CCDC117: variants seen among roughly 807,000 people sequenced by gnomAD.
CCDC117 encodes the protein coiled-coil domain containing 117, also known as coiled-coil domain-containing protein 117.
In CCDC117, 1 loss-of-function variant was observed where a neutral mutation model predicts 23.5. The ratio of observed to expected loss-of-function variants is 0.04; its 90% confidence interval spans 0.02 to 0.20. CCDC117 has a LOEUF of 0.20. CCDC117 is among the 10% of genes least tolerant of loss of function. The pLI, the probability that CCDC117 is intolerant of heterozygous loss-of-function variation, is 1.00. For synonymous variants in CCDC117, 132 were observed against 124.8 expected (o/e 1.06, Z -0.39); for missense variants, 383 against 348.2 (o/e 1.10, Z -0.80).
rs147524215 is a variant in CCDC117 at position 28,788,973 on chromosome 22, GTTTTTTT to G, written c.*2657_*2663del. The G allele has an allele frequency of 4.1e-4, 56 of 135,062 alleles. 1 individual carries two copies. Among genetic ancestry groups the G allele is most frequent in the Admixed American group, 3.0e-3 (40 of 13,384 alleles). 8.4% of individuals were successfully genotyped at this position (135,062 alleles called of 1,614,324 possible). On this transcript the variant is annotated 3_prime_UTR_variant, in exon 5 of 5. Transcript: ENST00000249064. ...GTGCGTTGTGGATTTTGTTTTTTGGGTTTTTTTTTTTTTTTTGTAATTATATGAAGAA... is the reference window on the plus strand; with the variant it reads ...GTGCGTTGTGGATTTTGTTTTTTGGGTTTTTTTTTGTAATTATATGAAGAA...
intron 3 of CCDC117, 60 bp from the exon 4 acceptor site, chr22:28,783,448 A>G: frequency 6.6e-7 from 1 of 1,525,830 alleles, no homozygotes; most frequent in East Asian, 2.3e-5. Flanking sequence ...TCCAAATACT[A>G]GAATATATAA....
chr22:28,772,795 G>A lies in CCDC117; in HGVS notation c.-55G>A. On this transcript the variant is annotated 5_prime_UTR_variant, in exon 1 of 5. Coordinates refer to ENST00000249064, the MANE Select transcript of CCDC117 (RefSeq NM_173510.4). ...CAGTAGCTGTGGCTGCGGCTGCCGG[G>A]CCTGGGGACGCGGGCGGCCGAGGCC... The A allele has an allele frequency of 8.3e-7, 1 of 1,210,162 alleles. No individual in the cohort carries two copies. Among genetic ancestry groups the A allele is most frequent in the Non-Finnish European group, 1.0e-6 (1 of 972,088 alleles). 75.0% of individuals were successfully genotyped at this position (1,210,162 alleles called of 1,614,324 possible). A position where few individuals can be genotyped will look rare whatever the true frequency, so the allele number is the denominator to read the frequency against.
In CCDC117 at chr22:28,787,049, A is replaced by C. The variant is rs2031533811; in HGVS notation, c.*723A>C. ...AATGTTTACAAATTAATTGACTTTG[A>C]TAGTTAAAAGATTATGAGGTAACCC... On this transcript the variant is annotated 3_prime_UTR_variant, in exon 5 of 5. Transcript: ENST00000249064. 1 of 152,582 alleles carries C rather than the reference A, an allele frequency of 6.6e-6. No individual in the cohort carries two copies. Among genetic ancestry groups the C allele is most frequent in the Non-Finnish European group, 1.5e-5 (1 of 68,018 alleles). The allele number at this position is 152,582 out of a possible 1,614,324, so 9.5% of individuals were successfully genotyped here. A position where few individuals can be genotyped will look rare whatever the true frequency, so the allele number is the denominator to read the frequency against.
intron 2 of CCDC117, among the ~76,000 whole-genome samples, chr22:28,780,600 C>T (rs761803874): frequency 3.9e-5 from 6 of 152,172 alleles, no homozygotes; most frequent in Non-Finnish European, 5.9e-5. Context: ...GCTGGTATTA[C>T]AGGTGTGAGC....
In CCDC117 at chr22:28,781,593, C is replaced by T. The variant is rs1233026778; in HGVS notation, c.464+421C>T. 1.5e-5 allele frequency among the ~76,000 whole-genome samples: 2 copies of T among 133,846 alleles called. 1 individual carries two copies. Among genetic ancestry groups the T allele is most frequent in the African/African-American group, 6.3e-5 (2 of 31,588 alleles). 87.8% of individuals were successfully genotyped at this position (133,846 alleles called of 152,430 possible). A position where few individuals can be genotyped will look rare whatever the true frequency, so the allele number is the denominator to read the frequency against. On this transcript the variant is annotated intron_variant, in intron 3 of 4. Transcript: ENST00000249064. Reference sequence around the variant, plus strand: ...GTCTCGATCTCTTGACCTCGTGATCCGCCCGCCTCGGCCTCCCAAAGTGCT... The same window carrying T: ...GTCTCGATCTCTTGACCTCGTGATCTGCCCGCCTCGGCCTCCCAAAGTGCT...
At position 28,786,275 on chromosome 22, in the gene CCDC117, T is replaced by C. The variant is rs1299514818; in HGVS notation, c.789T>C (p.Leu263=). ...AACCTCGGCCAACAGGGATGTCTCTTTATAATAGTTTGGAGACAGCTACTA... is the reference window on the plus strand; with the variant it reads ...AACCTCGGCCAACAGGGATGTCTCTCTATAATAGTTTGGAGACAGCTACTA... The part of the protein sequence containing the change: ...FSEPRPTGMS[L]YNSLETATST... The change falls in exon 5 of 5, where the codon CTT becomes CTC. Residue 263 remains leucine (L), a synonymous_variant. Transcript: ENST00000249064. The C allele has an allele frequency of 2.5e-5, 41 of 1,614,156 alleles. No individual in the cohort carries two copies. Among genetic ancestry groups the C allele is most frequent in the Non-Finnish European group, 3.4e-5 (40 of 1,180,018 alleles).
intron 2 of CCDC117, among the ~76,000 whole-genome samples, chr22:28,774,070 G>GA (rs1555944527): frequency 7.9e-6 from 1 of 126,094 alleles, no homozygotes; most frequent in African/African-American, 2.9e-5. Flanking sequence ...TTTTGTTTTT[G>GA]TTTTTTTTTT....
Position 28,781,023 on chromosome 22 carries a change from T to A in CCDC117, c.315T>A (p.His105Gln). The part of the protein sequence containing the change: ...AGPNDWILCA[H>Q]QDVEGHGVNP... Reference sequence around the variant, plus strand: ...CTAATGACTGGATTCTTTGTGCACATCAGGATGTAGAGGGGCATGGAGTAA... The same window carrying A: ...CTAATGACTGGATTCTTTGTGCACAACAGGATGTAGAGGGGCATGGAGTAA... The change falls in exon 3 of 5, where the codon CAT becomes CAA. Residue 105 changes from histidine (H) to glutamine (Q), a missense_variant. Transcript: ENST00000249064. 6.2e-7 allele frequency: 1 copy of A among 1,614,054 alleles called. No homozygotes were observed. The highest frequency in any genetic ancestry group is 8.5e-7 in the Non-Finnish European group (1 of 1,179,962).
At position 28,787,039 on chromosome 22, in the gene CCDC117, ATTGACT is replaced by A. The variant is rs2031533680; in HGVS notation, c.*718_*723del. On this transcript the variant is annotated 3_prime_UTR_variant, in exon 5 of 5. Transcript: ENST00000249064. ...GTTATTCAGTAATGTTTACAAATTA[ATTGACT>A]TTGATAGTTAAAAGATTATGAGGTA... The A allele has an allele frequency of 6.6e-6, 1 of 152,558 alleles. No homozygotes were observed. Among genetic ancestry groups the A allele is most frequent in the Non-Finnish European group, 1.5e-5 (1 of 68,036 alleles). The allele number at this position is 152,558 out of a possible 1,614,324, so 9.5% of individuals were successfully genotyped here.
At position 28,783,591 on chromosome 22, in the gene CCDC117, C is replaced by T; in HGVS notation, c.548C>T (p.Thr183Ile). The T allele has an allele frequency of 6.2e-7, 1 of 1,613,704 alleles. No individual in the cohort carries two copies. The highest frequency in any genetic ancestry group is 8.5e-7 in the Non-Finnish European group (1 of 1,179,778). ...CTTGTCCTTTCTGATACCATGAAAA[C>T]AGGTTTGAAGAGGGAATTTGATGAA... ...PSLVLSDTMK[T>I]GLKREFDEVF... Residue 183 changes from threonine to isoleucine, a missense_variant, in exon 4 of 5, where the codon ACA becomes ATA. Coordinates refer to ENST00000249064, the MANE Select transcript of CCDC117 (RefSeq NM_173510.4).
At chr22:28,781,884 C>G (rs1442359996) in intron 3 of CCDC117, among the ~76,000 whole-genome samples, 1 of 151,680 alleles carries the variant, frequency 6.6e-6, no homozygotes, top group Non-Finnish European at 1.5e-5. Flanking sequence ...CTCAGGTGAT[C>G]CCCCTGTCTC....
intron 3 of CCDC117, among the ~76,000 whole-genome samples, chr22:28,781,895 G>A (rs1036292887): frequency 2.0e-5 from 3 of 151,276 alleles, no homozygotes; most frequent in Non-Finnish European, 2.9e-5. Context: ...CCCCTGTCTC[G>A]GCCTCCCAAA....
chr22:28,774,728 A>G (rs568403939), intron 2 of CCDC117, among the ~76,000 whole-genome samples: 35 of 151,856 alleles, frequency 2.3e-4, no homozygotes, highest in Non-Finnish European at 2.1e-4. Context: ...ACCTGTTTTC[A>G]TTGTCTCCTT....
At chr22:28,773,465 A>C (rs13058181) in intron 1 of CCDC117, 3 of 519,198 alleles carry the variant, frequency 5.8e-6, no homozygotes, top group Non-Finnish European at 1.0e-5. Context: ...GCCTGCCCCG[A>C]GGACGTTTCC....
intron 2 of CCDC117, among the ~76,000 whole-genome samples, chr22:28,777,582 T>C (rs998910496): frequency 1.3e-5 from 2 of 151,282 alleles, no homozygotes; most frequent in Non-Finnish European, 2.9e-5. Flanking sequence ...CCATCTTGAC[T>C]CACTTTAACC....
chr22:28,786,425 C>A lies in CCDC117; in HGVS notation c.*99C>A. On this transcript the variant is annotated 3_prime_UTR_variant, in exon 5 of 5. Transcript: ENST00000249064. ...ATAGGGACTTGAAAGTTTTATGAGA[C>A]GGGTGTAATAATATCTCCACCTGTG... 1.3e-6 allele frequency: 1 copy of A among 773,032 alleles called. No homozygotes were observed. Among genetic ancestry groups the A allele is most frequent in the Non-Finnish European group, 2.1e-6 (1 of 484,290 alleles). The allele number at this position is 773,032 out of a possible 1,614,324, so 47.9% of individuals were successfully genotyped here. A position where few individuals can be genotyped will look rare whatever the true frequency, so the allele number is the denominator to read the frequency against.
chr22:28,787,606 T>TGCTAGGGTAC lies in CCDC117; in HGVS notation c.*1280_*1281insGCTAGGGTAC. The TGCTAGGGTAC allele has an allele frequency of 6.6e-6, 1 of 152,496 alleles. No individual in the cohort carries two copies. The highest frequency in any genetic ancestry group is 1.5e-5 in the Non-Finnish European group (1 of 67,984). The allele number at this position is 152,496 out of a possible 1,614,324, so 9.4% of individuals were successfully genotyped here. On this transcript the variant is annotated 3_prime_UTR_variant, in exon 5 of 5. Transcript: ENST00000249064. ...AATTGCTTCCTGCTAGCAGGAAGCC[T>TGCTAGGGTAC]TCATCTTCTTGAGTACCCAAACCAG...
At chr22:28,776,544 C>T (rs1170091354) in intron 2 of CCDC117, among the ~76,000 whole-genome samples, 1 of 151,960 alleles carries the variant, frequency 6.6e-6, no homozygotes, top group East Asian at 1.9e-4. Context: ...CCTCATCCTC[C>T]CAAGTAGCTG....
At chr22:28,776,621 G>T (rs2031169527) in intron 2 of CCDC117, among the ~76,000 whole-genome samples, 1 of 147,028 alleles carries the variant, frequency 6.8e-6, no homozygotes, top group African/African-American at 2.5e-5. Context: ...TTTCGCTCTT[G>T]TTGCCCAGGC....
Sources: allele counts gnomAD v4.1 joint callset (sites outside exome capture counted in the v4.1 genomes callset), GRCh38; gene constraint gnomAD v4.1.1; transcripts MANE v1.5; gene names NCBI Gene and HGNC (gene_info 2026-07-23, HGNC 2026-07-21).